The following ANKHD1 variants were observed in gnomAD, a reference collection of about 807,000 sequenced individuals.
ANKHD1 encodes ankyrin repeat and KH domain containing 1.
A neutral mutation model predicts 230.5 loss-of-function variants in ANKHD1; 31 were observed. That is an observed-to-expected ratio of 0.13 (90% CI 0.10 to 0.18). The LOEUF (loss-of-function observed/expected upper bound fraction) is 0.18, where lower values mean the gene tolerates loss of function less well. Ranked by LOEUF, ANKHD1 falls within the 10% of genes least tolerant of loss-of-function variation. The pLI is 1.00. For synonymous variants in ANKHD1, 1,074 were observed against 1,117.6 expected (o/e 0.96, Z 0.78); for missense variants, 2,256 against 3,071.3 (o/e 0.73, Z 6.27).
At chr5:140,423,389 T>C (rs1195677284) in intron 1 of ANKHD1, among the ~76,000 whole-genome samples, 2 of 152,186 alleles carry the variant, frequency 1.3e-5, no homozygotes, top group Admixed American at 6.5e-5. Context: ...ACTCTAAAGA[T>C]TGATATTTGA....
rs557981042 is a variant in ANKHD1 at position 140,503,331 on chromosome 5, G to T, written c.3005-1490G>T. On this transcript the variant is annotated intron_variant, in intron 15 of 33. Coordinates refer to ENST00000360839, the MANE Select transcript of ANKHD1 (RefSeq NM_017747.3). The stretch of plus-strand genomic sequence containing the variant: ...TTATTTTTCAATACAATGAATAATA[G>T]TATTGACAATCCTATAAAATATCTG... 1.1e-4 allele frequency among the ~76,000 whole-genome samples: 17 copies of T among 151,754 alleles called. No individual in the cohort carries two copies. In the East Asian group the frequency reaches 3.3e-3, roughly 29 times the overall value.
At chr5:140,408,171 C>T (rs1379726411) in intron 1 of ANKHD1, among the ~76,000 whole-genome samples, 2 of 152,062 alleles carry the variant, frequency 1.3e-5, no homozygotes. Context: ...AGCAAGACTC[C>T]ATCTCAAAAA....
chr5:140,430,888 C>T (rs1442329114), intron 1 of ANKHD1, among the ~76,000 whole-genome samples: 1 of 152,074 alleles, frequency 6.6e-6, no homozygotes, highest in African/African-American at 2.4e-5. Flanking sequence ...TGGTCTTGAA[C>T]TCCTGGGCTC....
At chr5:140,531,253 G>T in intron 29 of ANKHD1, 1 of 400,850 alleles carries the variant, frequency 2.5e-6, no homozygotes, top group Non-Finnish European at 4.9e-6. Flanking sequence ...CTCTTTTCAC[G>T]GATATAGTTT....
chr5:140,508,792 G>A (rs1752643382), intron 20 of ANKHD1, among the ~76,000 whole-genome samples: 1 of 133,572 alleles, frequency 7.5e-6, no homozygotes, highest in African/African-American at 2.9e-5. Flanking sequence ...GAATAAAGGA[G>A]AAAAGTCATA....
chr5:140,514,226 G>A (rs1169938887), intron 24 of ANKHD1, among the ~76,000 whole-genome samples: 1 of 151,342 alleles, frequency 6.6e-6, no homozygotes, highest in East Asian at 1.9e-4. Flanking sequence ...CAGATGTCAT[G>A]GCTCATGCCT....
At chr5:140,472,452 A>G in intron 10 of ANKHD1, 1 of 1,354,554 alleles carries the variant, frequency 7.4e-7, no homozygotes, top group African/African-American at 1.5e-5. Context: ...TGAAGTCCCA[A>G]TAAAAAGAGA....
intron 10 of ANKHD1, among the ~76,000 whole-genome samples, chr5:140,474,194 A>G (rs897405881): frequency 2.0e-5 from 3 of 152,190 alleles, no homozygotes; most frequent in African/African-American, 7.2e-5. Flanking sequence ...TTTTATCCAT[A>G]TCAGTTCTCC....
At chr5:140,430,172 A>G (rs1177278318) in intron 1 of ANKHD1, among the ~76,000 whole-genome samples, 2 of 152,174 alleles carry the variant, frequency 1.3e-5, no homozygotes, top group Admixed American at 1.3e-4. Context: ...GAGGAAGACA[A>G]AGGTTTTTGT....
chr5:140,444,089 CCTT>C (rs1561730728), intron 5 of ANKHD1, among the ~76,000 whole-genome samples: 8 of 140,258 alleles, frequency 5.7e-5, no homozygotes, highest in Admixed American at 1.4e-4. Context: ...TCCCCCCCCC[CCTT>C]TTTTTTTTTT....
rs1417813834 is a variant in ANKHD1 at position 140,459,280 on chromosome 5, C to G, written c.1597C>G (p.Leu533Val). The stretch of plus-strand genomic sequence containing the variant: ...TATTAAGGCAGGGGCTGATATAGAA[C>G]TTGGCTGCTCCACACCTCTGATGGA... ...FLIKAGADIELGCSTPLMEAS... is the reference protein window; with the variant it reads ...FLIKAGADIEVGCSTPLMEAS... Residue 533 changes from leucine (L) to valine (V), a missense_variant, in exon 9 of 34, where the codon CTT (leucine) becomes GTT (valine). Leu to Val is a conservative substitution (Grantham distance 32). Transcript: ENST00000360839. 8 of 1,601,782 alleles carry G rather than the reference C, an allele frequency of 5.0e-6. No homozygotes were observed. Among genetic ancestry groups the G allele is most frequent in the African/African-American group, 1.3e-5 (1 of 74,668 alleles).
intron 7 of ANKHD1, among the ~76,000 whole-genome samples, chr5:140,452,605 A>G (rs536905584): frequency 6.6e-6 from 1 of 152,318 alleles, no homozygotes; most frequent in African/African-American, 2.4e-5. Context: ...TACCCAGGCA[A>G]ACGGTCTAGA....
intron 9 of ANKHD1, among the ~76,000 whole-genome samples, chr5:140,461,042 C>T (rs941483368): frequency 6.6e-6 from 1 of 152,088 alleles, no homozygotes; most frequent in Non-Finnish European, 1.5e-5. Flanking sequence ...AAGCTAAAGT[C>T]GTGCTATTGT....
At chr5:140,526,597 A>G (rs1038807844) in intron 26 of ANKHD1, among the ~76,000 whole-genome samples, 154 bp downstream of exon 26, 4 of 152,216 alleles carry the variant, frequency 2.6e-5, no homozygotes, top group African/African-American at 9.6e-5. Flanking sequence ...AAATTCACCC[A>G]TGTCCTCTTT....
Position 140,485,945 on chromosome 5 carries a change from A to G in ANKHD1, c.2142+213A>G. The G allele has an allele frequency of 1.6e-6, 1 of 624,390 alleles. No individual in the cohort carries two copies. The highest frequency in any genetic ancestry group is 2.5e-6 in the Non-Finnish European group (1 of 395,026). The allele number at this position is 624,390 out of a possible 1,614,324, so 38.7% of individuals were successfully genotyped here. A position where few individuals can be genotyped will look rare whatever the true frequency, so the allele number is the denominator to read the frequency against. ...TTTATTGAGAATAGTGGTTTTTAAAAACCACTTAATATCAAATATAAACGT... is the reference window on the plus strand; with the variant it reads ...TTTATTGAGAATAGTGGTTTTTAAAGACCACTTAATATCAAATATAAACGT... On this transcript the variant is annotated intron_variant, in intron 13 of 33. Coordinates refer to ENST00000360839, the MANE Select transcript of ANKHD1 (RefSeq NM_017747.3). The surrounding 1 kb of genome is among the most constrained non-coding windows in gnomAD (Gnocchi z 4.8).
At chr5:140,464,306 C>G (rs1775934880) in intron 9 of ANKHD1, among the ~76,000 whole-genome samples, 1 of 151,910 alleles carries the variant, frequency 6.6e-6, no homozygotes, top group South Asian at 2.1e-4. Flanking sequence ...GAAATAATTG[C>G]TCATTTGATT....
rs776929704 is a variant in ANKHD1 at position 140,505,870 on chromosome 5, G to GT, written c.3408+2dup. 2.6e-6 allele frequency: 4 copies of GT among 1,566,624 alleles called. No individual in the cohort carries two copies. Among genetic ancestry groups the GT allele is most frequent in the Non-Finnish European group, 3.4e-6 (4 of 1,163,852 alleles). On this transcript the variant is annotated splice_donor_variant, in intron 18 of 33. Coordinates refer to ENST00000360839, the MANE Select transcript of ANKHD1 (RefSeq NM_017747.3). LOFTEE classifies it high-confidence loss of function. ...GGCATGTTCTGGTGGACGTCAGGAG[G>GT]TGTGTTAATGTTAATTTTCATTTTG...
chr5:140,455,646 CT>C (rs1288799539), intron 7 of ANKHD1, among the ~76,000 whole-genome samples: 1 of 152,130 alleles, frequency 6.6e-6, no homozygotes, highest in Non-Finnish European at 1.5e-5. Context: ...CAGAAAAGTC[CT>C]TTGACAAAAT....
chr5:140,428,660 AGAGGGC>A (rs1014259253), intron 1 of ANKHD1, among the ~76,000 whole-genome samples: 43 of 152,232 alleles, frequency 2.8e-4, no homozygotes, highest in Middle Eastern at 6.8e-3. Context: ...GGGGAGAGGG[AGAGGGC>A]GAGGGCGAGG....
Sources: gnomAD v4.1 joint callset for allele counts (sites outside exome capture counted in the v4.1 genomes callset) on GRCh38, gnomAD v4.1.1 for gene constraint, Gnocchi (gnomAD v3.1) non-coding constraint, MANE v1.5 for transcripts, NCBI Gene and HGNC (gene_info 2026-07-23, HGNC 2026-07-21) for gene names.